SLIT3: variants seen among roughly 807,000 people sequenced by gnomAD.
The protein encoded by SLIT3 is slit guidance ligand 3.
Under a neutral mutation model 184.0 loss-of-function variants are expected in SLIT3, and 68 were observed. That is an observed-to-expected ratio of 0.37 (90% CI 0.30 to 0.45). The LOEUF (loss-of-function observed/expected upper bound fraction) is 0.45, where lower values mean the gene tolerates loss of function less well. Ranked by LOEUF, SLIT3 falls within the 20% of genes least tolerant of loss-of-function variation. SLIT3 has a pLI of 1.00. For synonymous variants in SLIT3, 831 were observed against 828.6 expected (o/e 1.00, Z -0.05); for missense variants, 1,707 against 2,026.0 (o/e 0.84, Z 3.02).
At chr5:168,970,818 A>T (rs1239237798) in intron 4 of SLIT3, among the ~76,000 whole-genome samples, 7 of 152,168 alleles carry the variant, frequency 4.6e-5, no homozygotes, top group African/African-American at 1.7e-4. Context: ...TGGGCAGGGT[A>T]TGTAATATCT....
At chr5:168,931,162 A>C (rs1407120381) in intron 4 of SLIT3, among the ~76,000 whole-genome samples, 1 of 152,232 alleles carries the variant, frequency 6.6e-6, no homozygotes, top group East Asian at 1.9e-4. Flanking sequence ...GGCATAGATC[A>C]AACTCCCTAG....
intron 8 of SLIT3, among the ~76,000 whole-genome samples, chr5:168,813,180 G>C (rs57890126): frequency 0.13 from 19,678 of 152,160 alleles, 1,724 homozygotes; most frequent in South Asian, 0.3. Flanking sequence ...AACTGATTTA[G>C]GAGGTCAACT....
rs141480065 is a variant in SLIT3 at position 168,673,301 on chromosome 5, G to A, written c.3717C>T (p.His1239=). 1 of 1,614,096 alleles carries A rather than the reference G, an allele frequency of 6.2e-7. No individual in the cohort carries two copies. The highest frequency in any genetic ancestry group is 1.3e-5 in the African/African-American group (1 of 74,930). Residue 1239 remains histidine, a synonymous_variant, in exon 33 of 36, where the codon CAC becomes CAT. Transcript: ENST00000519560. ...GGTTTAGCGTCACCAGCTCCACACT[G>A]TGAAACTGCCCATCATTCACTGTCT... ...SVETVNDGQF[H]SVELVTLNQT...
chr5:168,987,498 C>G (rs1279631759), intron 4 of SLIT3, among the ~76,000 whole-genome samples: 2 of 152,174 alleles, frequency 1.3e-5, no homozygotes, highest in African/African-American at 4.8e-5. Context: ...TGTCAGTTTC[C>G]TCATCTGTAA....
intron 30 of SLIT3, among the ~76,000 whole-genome samples, chr5:168,686,136 G>T (rs186190637): frequency 1.3e-5 from 2 of 152,298 alleles, no homozygotes; most frequent in East Asian, 3.9e-4. Context: ...AGAGAGTTGG[G>T]GTAGCCATGG....
At chr5:169,106,019 TG>T (rs1199322330) in intron 4 of SLIT3, among the ~76,000 whole-genome samples, 1 of 137,054 alleles carries the variant, frequency 7.3e-6, no homozygotes, top group Admixed American at 7.3e-5. Flanking sequence ...CATAGACACA[TG>T]GGGGGAAACA....
At chr5:169,264,263 G>A (rs56142539) in intron 1 of SLIT3, among the ~76,000 whole-genome samples, 60,165 of 151,742 alleles carry the variant, frequency 0.4, 12,854 homozygotes, top group South Asian at 0.49. Flanking sequence ...GTGCAATCTC[G>A]GCTCACTGCA....
intron 27 of SLIT3, among the ~76,000 whole-genome samples, chr5:168,699,002 C>G (rs75497752): frequency 1.5e-3 from 222 of 152,336 alleles, no homozygotes; most frequent in African/African-American, 4.8e-3. Flanking sequence ...TCTGACCCCC[C>G]CAATCCCTCG....
intron 4 of SLIT3, among the ~76,000 whole-genome samples, chr5:169,002,495 G>A (rs1014272220): frequency 3.3e-5 from 5 of 152,060 alleles, no homozygotes; most frequent in Non-Finnish European, 5.9e-5. Flanking sequence ...CAGGTGGGAG[G>A]ATGGACTTGC....
chr5:169,164,491 A>T (rs1035960361), intron 4 of SLIT3, among the ~76,000 whole-genome samples: 1 of 152,114 alleles, frequency 6.6e-6, no homozygotes, highest in African/African-American at 2.4e-5. Context: ...TGATTTGTCT[A>T]CCACATTACT....
chr5:169,037,794 G>A (rs1757307847), intron 4 of SLIT3: 1 of 152,258 alleles, frequency 6.6e-6, no homozygotes, highest in Non-Finnish European at 1.5e-5. Flanking sequence ...ACCTGCTTAA[G>A]GAGACTGCCG....
chr5:168,675,343 A>G (rs543776747), intron 32 of SLIT3, among the ~76,000 whole-genome samples: 125 of 152,322 alleles, frequency 8.2e-4, no homozygotes, highest in African/African-American at 2.7e-3. Flanking sequence ...TCAGATTTAG[A>G]AATCTCAGCA....
At chr5:169,247,459 T>C (rs537470312) in intron 2 of SLIT3, among the ~76,000 whole-genome samples, 1 of 152,278 alleles carries the variant, frequency 6.6e-6, no homozygotes, top group South Asian at 2.1e-4. Flanking sequence ...TCTAGGGTAT[T>C]GTAAGTACCA....
In SLIT3 at chr5:168,785,887, G is replaced by A. The variant is rs1756136242; in HGVS notation, c.1151+20C>T. ...TCCGACAGTACCAAAGACACCAACA[G>A]TGACAAAGTTCCTACTCACAGCAGC... On this transcript the variant is annotated intron_variant, in intron 12 of 35. Coordinates refer to ENST00000519560, the MANE Select transcript of SLIT3 (RefSeq NM_003062.4). 1 of 1,589,840 alleles carries A rather than the reference G, an allele frequency of 6.3e-7. No homozygotes were observed. The highest frequency in any genetic ancestry group is 8.6e-7 in the Non-Finnish European group (1 of 1,158,180).
intron 1 of SLIT3, among the ~76,000 whole-genome samples, chr5:169,272,308 G>A (rs569892207): frequency 1.2e-4 from 18 of 152,358 alleles, no homozygotes; most frequent in Admixed American, 8.5e-4. Context: ...GGCTGCTTAC[G>A]CAATGTTGGC....
chr5:168,692,619 T>C lies in SLIT3; in HGVS notation c.3164A>G (p.Asp1055Gly). 6.2e-7 allele frequency: 1 copy of C among 1,613,700 alleles called. No individual in the cohort carries two copies. The highest frequency in any genetic ancestry group is 8.5e-7 in the Non-Finnish European group (1 of 1,179,676). The change falls in exon 29 of 36, where the codon GAC (aspartate) becomes GGC (glycine). Residue 1055 changes from aspartate to glycine, a missense_variant. Coordinates refer to ENST00000519560, the MANE Select transcript of SLIT3 (RefSeq NM_003062.4). ...CQHEAKCIPL[D>G]KGFSCECVPG... ...AGCCAGGTCTTACCTGAATCCTTTG[T>C]CCAGGGGGATGCACTTGGCCTCATG...
At chr5:168,711,178 G>T (rs1488678726) in intron 24 of SLIT3, 120 bp from the exon 25 acceptor site, 2 of 846,716 alleles carry the variant, frequency 2.4e-6, no homozygotes, top group African/African-American at 1.8e-5. Flanking sequence ...CCAATATGGG[G>T]CCAGCGGAGT....
At chr5:168,819,159 C>A (rs182352922) in intron 7 of SLIT3, among the ~76,000 whole-genome samples, 1 of 152,194 alleles carries the variant, frequency 6.6e-6, no homozygotes, top group African/African-American at 2.4e-5. Context: ...GCTTGCTCTT[C>A]GCCTGGACTC....
chr5:169,276,078 G>C lies in SLIT3; in HGVS notation c.197+24435C>G, dbSNP rs955915035. Among the ~76,000 whole-genome samples, 22 of 152,128 alleles carry C rather than the reference G, an allele frequency of 1.4e-4. 1 individual carries two copies. Among genetic ancestry groups the C allele is most frequent in the African/African-American group, 5.3e-4 (22 of 41,432 alleles). On this transcript the variant is annotated intron_variant, in intron 1 of 35. Coordinates refer to ENST00000519560, the MANE Select transcript of SLIT3 (RefSeq NM_003062.4). ...TGCCTCCTCAATCCAAAAATGGTGA[G>C]CTAAGCCTAAACAAAGAAAGAGAGC...
Sources: gnomAD v4.1 joint callset for allele counts (sites outside exome capture counted in the v4.1 genomes callset) on GRCh38, gnomAD v4.1.1 for gene constraint, MANE v1.5 for transcripts, NCBI Gene and HGNC (gene_info 2026-07-23, HGNC 2026-07-21) for gene names.